The following TMEM94 variants were observed in gnomAD, a reference collection of about 807,000 sequenced individuals.
TMEM94 encodes ER Mg2+ ATPase.
TMEM94 carries 81 observed loss-of-function variants against 158.6 expected under a neutral mutation model. The observed-to-expected ratio is 0.51, with a 90% CI of 0.43 to 0.61. The LOEUF is 0.61. TMEM94 is among the 20% of genes least tolerant of loss of function. The pLI is 0.00. For synonymous variants in TMEM94, 751 were observed against 730.7 expected, an observed-to-expected ratio of 1.03 and a Z score of -0.45; for missense variants, 1,435 against 1,762.0, an observed-to-expected ratio of 0.81 and a Z score of 3.32.
At chr17:75,464,253 C>T (rs1183733114) in intron 1 of TMEM94, among the ~76,000 whole-genome samples, 2 of 152,116 alleles carry the variant, frequency 1.3e-5, no homozygotes, top group African/African-American at 4.8e-5. Context: ...AATTTCTTTC[C>T]TTTTCCCTCT....
rs760358961 is a variant in TMEM94 at position 75,498,262 on chromosome 17, A to C, written c.3577A>C (p.Ser1193Arg). ...CATCTGCTTTGGCTTCACACTGCAGAGCTTCTGTGACAGCTCCCGGGACCG... is the reference window on the plus strand; with the variant it reads ...CATCTGCTTTGGCTTCACACTGCAGCGCTTCTGTGACAGCTCCCGGGACCG... ...CLICFGFTLQ[S>R]FCDSSRDRNL... is the part of the protein sequence containing the mutation. The change falls in exon 28 of 32, where the codon AGC becomes CGC. Residue 1193 changes from serine (S) to arginine (R), a missense_variant. By Grantham distance (110) the Ser-to-Arg change is moderately radical (BLOSUM62 -1). Around this residue, in one of 3 missense-constraint regions of TMEM94, gnomAD observed 335 missense variants for 409.1 expected, o/e 0.82. Transcript: ENST00000314256. This position sits in a 1 kb window ranked among gnomAD's most constrained non-coding sequence, Gnocchi z 6.7. 1.9e-6 allele frequency: 3 copies of C among 1,613,622 alleles called. No homozygotes were observed. The highest frequency in any genetic ancestry group is 2.5e-6 in the Non-Finnish European group (3 of 1,179,992).
chr17:75,492,602 G>A lies in TMEM94; in HGVS notation c.1725G>A (p.Trp575Ter). ...PSCIQFDDSN[W>*]QLHLTSLKPL... ...GCATCCAGTTTGATGACTCCAACTG[G>A]CAGCTGCACCTCACCTCCCTCAAAC... Residue 575 changes from tryptophan (W) to a stop codon, truncating the protein, a stop_gained, in exon 15 of 32, where the codon TGG becomes TGA. Transcript: ENST00000314256. LOFTEE classifies it high-confidence loss of function. The surrounding 1 kb of genome is among the most constrained non-coding windows in gnomAD (Gnocchi z 4.4). The A allele has an allele frequency of 3.1e-6, 5 of 1,614,080 alleles. No individual in the cohort carries two copies. The highest frequency in any genetic ancestry group is 4.2e-6 in the Non-Finnish European group (5 of 1,180,020).
Position 75,471,815 on chromosome 17 carries a change from C to A in TMEM94, c.-91C>A. On this transcript the variant is annotated 5_prime_UTR_variant, in exon 2 of 32. Coordinates refer to ENST00000314256, the MANE Select transcript of TMEM94 (RefSeq NM_014738.6). Reference sequence around the variant, plus strand: ...TTTTCCCCAGATGTTGTGACTGTGACAGACTCACTGGGGTTTGTACATGCT... The same window carrying A: ...TTTTCCCCAGATGTTGTGACTGTGAAAGACTCACTGGGGTTTGTACATGCT... 7.6e-7 allele frequency: 1 copy of A among 1,312,868 alleles called. No homozygotes were observed. The highest frequency in any genetic ancestry group is 1.1e-6 in the Non-Finnish European group (1 of 911,560). The allele number at this position is 1,312,868 out of a possible 1,614,324, so 81.3% of individuals were successfully genotyped here.
rs577469229 is a variant in TMEM94, at chr17:75,486,094, C to G, written c.272+96C>G. Reference sequence around the variant, plus strand: ...ACCAGGGCTCTTGGGGGCTGTCACCCCCAAGCTGCTCCTGGGATGTAAGGG... The same window carrying G: ...ACCAGGGCTCTTGGGGGCTGTCACCGCCAAGCTGCTCCTGGGATGTAAGGG... On this transcript the variant is annotated intron_variant, in intron 4 of 31. Coordinates refer to ENST00000314256, the MANE Select transcript of TMEM94 (RefSeq NM_014738.6). 6 of 1,470,894 alleles carry G rather than the reference C, an allele frequency of 4.1e-6. No homozygotes were observed. The South Asian group carries it at 8.1e-5, about 20-fold the overall frequency. The allele number at this position is 1,470,894 out of a possible 1,614,324, so 91.1% of individuals were successfully genotyped here.
At position 75,493,117 on chromosome 17, in the gene TMEM94, C is replaced by G; in HGVS notation, c.2086+15C>G. On this transcript the variant is annotated intron_variant, in intron 16 of 31. Transcript: ENST00000314256. The stretch of plus-strand genomic sequence containing the variant: ...CACCACCACCAGTGAGCCCTGGCTA[C>G]GTTGGCCAGCACCAGGCGAGACCTT... The G allele has an allele frequency of 6.2e-7, 1 of 1,610,612 alleles. No homozygotes were observed. Among genetic ancestry groups the G allele is most frequent in the East Asian group, 2.2e-5 (1 of 44,834 alleles).
chr17:75,493,375 C>A, intron 16 of TMEM94, 116 bp from the exon 17 acceptor site: 3 of 1,059,402 alleles, frequency 2.8e-6, no homozygotes, highest in South Asian at 1.4e-5. Flanking sequence ...CCCAGGGAGT[C>A]TCCTCCTCTG....
chr17:75,493,419 C>A, intron 16 of TMEM94, 72 bp from the exon 17 acceptor site: 1 of 1,459,790 alleles, frequency 6.9e-7, no homozygotes, highest in Non-Finnish European at 9.6e-7. Flanking sequence ...TCCAGGAGGA[C>A]AGTGCGTTGC....
At chr17:75,465,023 A>G (rs1000428552) in intron 1 of TMEM94, among the ~76,000 whole-genome samples, 6 of 151,906 alleles carry the variant, frequency 3.9e-5, no homozygotes, top group Admixed American at 2.6e-4. Flanking sequence ...TGTTAGAGAC[A>G]GGGTCTCACT....
chr17:75,489,934 C>T lies in TMEM94; in HGVS notation c.954+272C>T. On this transcript the variant is annotated intron_variant, in intron 9 of 31. Coordinates refer to ENST00000314256, the MANE Select transcript of TMEM94 (RefSeq NM_014738.6). This position sits in a 1 kb window ranked among gnomAD's most constrained non-coding sequence, Gnocchi z 5.0. ...TCTCTACTAAGAATATAAAAATTAGCTGGGCGTGGTGGCACGTGCCTGTGG... is the reference window on the plus strand; with the variant it reads ...TCTCTACTAAGAATATAAAAATTAGTTGGGCGTGGTGGCACGTGCCTGTGG... 1 of 569,120 alleles carries T rather than the reference C, an allele frequency of 1.8e-6. No homozygotes were observed. The highest frequency in any genetic ancestry group is 3.1e-6 in the Non-Finnish European group (1 of 317,976). 35.3% of individuals were successfully genotyped at this position (569,120 alleles called of 1,614,324 possible). A position where few individuals can be genotyped will look rare whatever the true frequency, so the allele number is the denominator to read the frequency against.
rs576141849 is a variant in TMEM94, at chr17:75,460,573, G to C, written c.-107+3822G>C. Among the ~76,000 whole-genome samples, 8 of 150,772 alleles carry C rather than the reference G, an allele frequency of 5.3e-5. No homozygotes were observed. The East Asian group carries it at 1.4e-3, about 26-fold the overall frequency. ...CTGTAGCCCATGTTGGAGTGCAGTG[G>C]TGTGATTACGGCTTACGGCAGCCTT... On this transcript the variant is annotated intron_variant, in intron 1 of 31. Transcript: ENST00000314256.
In TMEM94 at chr17:75,496,674, G is replaced by A. The variant is rs8068765; in HGVS notation, c.3244-56G>A. 3.2e-6 allele frequency: 5 copies of A among 1,546,562 alleles called. No individual in the cohort carries two copies. In the East Asian group the frequency reaches 1.1e-4, roughly 35 times the overall value. Reference sequence around the variant, plus strand: ...TCTTGGCTAAAGTGTGTCAGCTGTTGGGCCTGGGAGAGGCCAGGTAGACCC... The same window carrying A: ...TCTTGGCTAAAGTGTGTCAGCTGTTAGGCCTGGGAGAGGCCAGGTAGACCC... On this transcript the variant is annotated intron_variant, in intron 24 of 31. Coordinates refer to ENST00000314256, the MANE Select transcript of TMEM94 (RefSeq NM_014738.6).
In TMEM94 at chr17:75,489,468, G is replaced by A; in HGVS notation, c.867+100G>A. The A allele has an allele frequency of 6.8e-7, 1 of 1,480,528 alleles. No individual in the cohort carries two copies. The highest frequency in any genetic ancestry group is 9.4e-7 in the Non-Finnish European group (1 of 1,060,178). 91.7% of individuals were successfully genotyped at this position (1,480,528 alleles called of 1,614,324 possible). Reference sequence around the variant, plus strand: ...TCACATGAGCGGGAGTGAATGCAGAGGGTCCCAGAGTGAGCCAGCCTGTGG... The same window carrying A: ...TCACATGAGCGGGAGTGAATGCAGAAGGTCCCAGAGTGAGCCAGCCTGTGG... On this transcript the variant is annotated intron_variant, in intron 8 of 31. Coordinates refer to ENST00000314256, the MANE Select transcript of TMEM94 (RefSeq NM_014738.6). The surrounding 1 kb of genome is among the most constrained non-coding windows in gnomAD (Gnocchi z 5.0).
In TMEM94 at chr17:75,471,782, TTTC is replaced by T; in HGVS notation, c.-106-12_-106-10del. 1.0e-6 allele frequency: 1 copy of T among 957,260 alleles called. No individual in the cohort carries two copies. Among genetic ancestry groups the T allele is most frequent in the African/African-American group, 1.6e-5 (1 of 60,726 alleles). 59.3% of individuals were successfully genotyped at this position (957,260 alleles called of 1,614,324 possible). A position where few individuals can be genotyped will look rare whatever the true frequency, so the allele number is the denominator to read the frequency against. ...CTGTTCCAGCAACCTGAGTGATTTCTTTCTTCTTTTTCCCCAGATGTTGTGACT... is the reference window on the plus strand; with the variant it reads ...CTGTTCCAGCAACCTGAGTGATTTCTTTCTTTTTCCCCAGATGTTGTGACT... On this transcript the variant is annotated splice_polypyrimidine_tract_variant and intron_variant, in intron 1 of 31. Coordinates refer to ENST00000314256, the MANE Select transcript of TMEM94 (RefSeq NM_014738.6).
Position 75,495,045 on chromosome 17 carries a change from A to C in TMEM94, c.2728+11A>C. ...ATGACCTGAATCAGGGTAAGGGCAAAGGCGTGGGGTGGGGACGGGGTGGCG... is the reference window on the plus strand; with the variant it reads ...ATGACCTGAATCAGGGTAAGGGCAACGGCGTGGGGTGGGGACGGGGTGGCG... On this transcript the variant is annotated intron_variant, in intron 20 of 31. Transcript: ENST00000314256. This position sits in a 1 kb window ranked among gnomAD's most constrained non-coding sequence, Gnocchi z 5.6. 3 of 1,234,862 alleles carry C rather than the reference A, an allele frequency of 2.4e-6. No individual in the cohort carries two copies. The highest frequency in any genetic ancestry group is 2.2e-4 in the Middle Eastern group (1 of 4,628). 76.5% of individuals were successfully genotyped at this position (1,234,862 alleles called of 1,614,324 possible).
chr17:75,474,601 C>T (rs111236325), intron 2 of TMEM94, among the ~76,000 whole-genome samples: 3,015 of 152,152 alleles, frequency 0.02, 45 homozygotes, highest in Middle Eastern at 0.065. Context: ...AGATTGAGGT[C>T]ACACCACTGC....
chr17:75,490,473 G>C, intron 10 of TMEM94, 123 bp downstream of exon 10: 4 of 1,159,994 alleles, frequency 3.4e-6, no homozygotes, highest in Non-Finnish European at 4.8e-6. Flanking sequence ...AGCCTGGGCA[G>C]CTCTCCAGGC....
At position 75,479,458 on chromosome 17, in the gene TMEM94, T is replaced by C. The variant is rs550157664; in HGVS notation, c.25-5970T>C. Among the ~76,000 whole-genome samples the C allele has an allele frequency of 1.6e-3, 243 of 152,060 alleles. 3 individuals are homozygous for C. The highest frequency in any genetic ancestry group is 5.8e-3 in the African/African-American group (240 of 41,528). On this transcript the variant is annotated intron_variant, in intron 2 of 31. Coordinates refer to ENST00000314256, the MANE Select transcript of TMEM94 (RefSeq NM_014738.6). ...CCTCAGCCTCCCGAGTAGGTGAGAC[T>C]ACAGGTGCCCGCCACCATGCCCAGC...
intron 9 of TMEM94, 147 bp from the exon 10 acceptor site, chr17:75,490,087 A>C: frequency 8.0e-7 from 1 of 1,257,630 alleles, no homozygotes; most frequent in Non-Finnish European, 1.1e-6. Context: ...CAAAAAAAAA[A>C]AAAAAGAACA....
At chr17:75,488,531 C>T (rs1298674999) in intron 6 of TMEM94, among the ~76,000 whole-genome samples, 1 of 152,214 alleles carries the variant, frequency 6.6e-6, no homozygotes, top group Non-Finnish European at 1.5e-5. Context: ...ATCCACCTGC[C>T]TTGGCCTCCC....
Sources: allele counts gnomAD v4.1 joint callset (sites outside exome capture counted in the v4.1 genomes callset), GRCh38; gene constraint gnomAD v4.1.1; regional missense constraint gnomAD v4.1.1; non-coding constraint Gnocchi (gnomAD v3.1); transcripts MANE v1.5; gene names NCBI Gene and HGNC (gene_info 2026-07-23, HGNC 2026-07-21).